EIF4E: variants seen among roughly 807,000 people sequenced by gnomAD.
EIF4E encodes the protein eukaryotic translation initiation factor 4E.
For missense variants in EIF4E, 113 were observed against 265.6 expected, an observed-to-expected ratio of 0.43 and a Z score of 3.99; for synonymous variants, 71 against 88.5, an observed-to-expected ratio of 0.80 and a Z score of 1.11.
In EIF4E at chr4:98,891,542, A is replaced by T. The variant is rs1724142682; in HGVS notation, c.126-210T>A. The T allele has an allele frequency of 1.0e-5, 6 of 580,228 alleles. 1 individual carries two copies. In the South Asian group the frequency reaches 1.3e-4, roughly 12 times the overall value. The allele number at this position is 580,228 out of a possible 1,614,324, so 35.9% of individuals were successfully genotyped here. Reference sequence around the variant, plus strand: ...ACATGAGGGGAAGCTAAGGACATTAAGTGAATAAGCCAGCCCCCCTCCAAA... The same window carrying T: ...ACATGAGGGGAAGCTAAGGACATTATGTGAATAAGCCAGCCCCCCTCCAAA... On this transcript the variant is annotated intron_variant, in intron 2 of 6. Coordinates refer to ENST00000450253, the MANE Select transcript of EIF4E (RefSeq NM_001968.5).
At chr4:98,920,491 C>T (rs1011497763) in intron 1 of EIF4E, among the ~76,000 whole-genome samples, 3 of 151,954 alleles carry the variant, frequency 2.0e-5, no homozygotes, top group African/African-American at 7.3e-5. Context: ...GATAAGGTTT[C>T]ACCATTTTGG....
intron 5 of EIF4E, among the ~76,000 whole-genome samples, chr4:98,885,626 A>AT (rs762670502): frequency 3.9e-5 from 6 of 151,902 alleles, no homozygotes; most frequent in Non-Finnish European, 8.8e-5. Flanking sequence ...TAATTTTTGT[A>AT]TTTTTTGTAG....
At chr4:98,912,036 C>A in intron 1 of EIF4E, among the ~76,000 whole-genome samples, 1 of 151,472 alleles carries the variant, frequency 6.6e-6, no homozygotes, top group African/African-American at 2.4e-5. Context: ...GGGCGGATCA[C>A]GAGGTCAGGA....
intron 1 of EIF4E, among the ~76,000 whole-genome samples, chr4:98,910,578 G>T (rs960090312): frequency 1.3e-5 from 2 of 152,076 alleles, no homozygotes; most frequent in Admixed American, 6.5e-5. Context: ...TGAGTGAATA[G>T]AGCTGATTAA....
At chr4:98,915,244 C>T (rs1725327233) in intron 1 of EIF4E, among the ~76,000 whole-genome samples, 1 of 151,556 alleles carries the variant, frequency 6.6e-6, no homozygotes, top group African/African-American at 2.4e-5. Context: ...GAGCTACGCA[C>T]ACAAACCCGG....
chr4:98,909,597 C>CA, intron 1 of EIF4E: 1 of 683,748 alleles, frequency 1.5e-6, no homozygotes, highest in South Asian at 1.7e-5. Flanking sequence ...CAGCTTCTTC[C>CA]AAGTCCTTTT....
intron 2 of EIF4E, among the ~76,000 whole-genome samples, chr4:98,892,506 T>G (rs1274607318): frequency 6.6e-6 from 1 of 151,222 alleles, no homozygotes; most frequent in Non-Finnish European, 1.5e-5. Flanking sequence ...TGGTGAAACC[T>G]GGTTTCTACT....
chr4:98,883,681 GTGTGAGCCAC>G (rs1233268737), intron 6 of EIF4E, among the ~76,000 whole-genome samples: 1 of 151,906 alleles, frequency 6.6e-6, no homozygotes, highest in Admixed American at 6.6e-5. Flanking sequence ...GCGATTACAG[GTGTGAGCCAC>G]TGCGCCTGGT....
intron 3 of EIF4E, among the ~76,000 whole-genome samples, chr4:98,888,226 GTATA>G (rs1039384009): frequency 6.6e-6 from 1 of 151,966 alleles, no homozygotes; most frequent in South Asian, 2.1e-4. Context: ...GCATACATAT[GTATA>G]TATATAAGAA....
In EIF4E at chr4:98,919,176, G is replaced by A. The variant is rs534824262; in HGVS notation, c.18+9919C>T. ...ACAAAAATTAGTTGGCAGTGGTGGC[G>A]CACACCTGTAGTCCCAGCTACTCAG... On this transcript the variant is annotated intron_variant, in intron 1 of 6. Transcript: ENST00000450253. 9.6e-4 allele frequency among the ~76,000 whole-genome samples: 146 copies of A among 151,892 alleles called. 1 individual carries two copies. The highest frequency in any genetic ancestry group is 2.0e-3 in the Admixed American group (30 of 15,242).
intron 1 of EIF4E, among the ~76,000 whole-genome samples, chr4:98,910,998 T>A (rs756734755): frequency 6.6e-6 from 1 of 152,078 alleles, no homozygotes; most frequent in Non-Finnish European, 1.5e-5. Flanking sequence ...CCTCCTAAAG[T>A]GCTGGAATTA....
At position 98,927,612 on chromosome 4, in the gene EIF4E, G is replaced by A. The variant is rs573720104; in HGVS notation, c.18+1483C>T. Among the ~76,000 whole-genome samples the A allele has an allele frequency of 4.3e-5, 5 of 116,944 alleles. No individual in the cohort carries two copies. In the Admixed American group the frequency reaches 6.3e-4, roughly 15 times the overall value. The allele number at this position is 116,944 out of a possible 152,430, so 76.7% of individuals were successfully genotyped here. ...GGAGGTTGCAGTGAGCCGAGATCAC[G>A]CCACTGCACTCCAGCCTGGGCGACA... On this transcript the variant is annotated intron_variant, in intron 1 of 6. Transcript: ENST00000450253.
Position 98,884,987 on chromosome 4 carries a change from A to C in EIF4E, c.474T>G (p.Ala158=). 6.2e-7 allele frequency: 1 copy of C among 1,613,810 alleles called. No homozygotes were observed. Among genetic ancestry groups the C allele is most frequent in the Non-Finnish European group, 8.5e-7 (1 of 1,179,874 alleles). The change falls in exon 6 of 7, where the codon GCT becomes GCG. Residue 158 remains alanine (A), a synonymous_variant. Coordinates refer to ENST00000450253, the MANE Select transcript of EIF4E (RefSeq NM_001968.5). ...TCCATATTGCTATCTTATCACCTTT[A>C]GCTCTAACATTAACAACAGCGCCAC... The part of the protein sequence containing the change: ...DVCGAVVNVR[A]KGDKIAIWTT...
intron 1 of EIF4E, among the ~76,000 whole-genome samples, chr4:98,906,902 G>T (rs1390198370): frequency 3.9e-5 from 6 of 152,032 alleles, no homozygotes; most frequent in Non-Finnish European, 7.4e-5. Flanking sequence ...CTTAAAATGG[G>T]CATTGTGACA....
At chr4:98,910,235 C>T (rs895183944) in intron 1 of EIF4E, among the ~76,000 whole-genome samples, 2 of 151,892 alleles carry the variant, frequency 1.3e-5, no homozygotes, top group African/African-American at 2.4e-5. Context: ...CTCCCTTAAC[C>T]GAGAAAGTTG....
rs1246015397 is a variant in EIF4E, at chr4:98,880,203, T to C, written c.*825A>G. 1.3e-5 allele frequency: 2 copies of C among 150,446 alleles called. No homozygotes were observed. The highest frequency in any genetic ancestry group is 6.7e-5 in the Admixed American group (1 of 14,930). The allele number at this position is 150,446 out of a possible 1,614,324, so 9.3% of individuals were successfully genotyped here. A position where few individuals can be genotyped will look rare whatever the true frequency, so the allele number is the denominator to read the frequency against. The stretch of plus-strand genomic sequence containing the variant: ...AAAGTGTTAAAATACAGCATAAAGA[T>C]ACAAAAACAGACATACTAATTCTAG... On this transcript the variant is annotated 3_prime_UTR_variant, in exon 7 of 7. Coordinates refer to ENST00000450253, the MANE Select transcript of EIF4E (RefSeq NM_001968.5).
In EIF4E at chr4:98,891,259, C is replaced by G. The variant is rs1724130070; in HGVS notation, c.199G>C (p.Asp67His). 1 of 1,613,982 alleles carries G rather than the reference C, an allele frequency of 6.2e-7. No homozygotes were observed. Among genetic ancestry groups the G allele is most frequent in the African/African-American group, 1.3e-5 (1 of 74,902 alleles). The stretch of plus-strand genomic sequence containing the variant: ...TACGCCCAAAAGTCTTCAACAGTAT[C>G]AAACTTGGAGATCAGCCGCAGGTTT... ...QANLRLISKF[D>H]TVEDFWALYN... Residue 67 changes from aspartate to histidine, a missense_variant, in exon 3 of 7, where the codon GAT becomes CAT. Physicochemically the swap from Asp to His is moderately conservative, Grantham distance 81. Transcript: ENST00000450253.
intron 2 of EIF4E, 143 bp downstream of exon 2, chr4:98,901,733 C>G (rs1292015251): frequency 2.7e-5 from 21 of 782,106 alleles, no homozygotes; most frequent in Non-Finnish European, 3.6e-5. Context: ...GTCTGCTGGT[C>G]ATGGGTCATC....
chr4:98,903,437 G>T, intron 1 of EIF4E: 1 of 455,192 alleles, frequency 2.2e-6, no homozygotes, highest in Non-Finnish European at 4.4e-6. Flanking sequence ...AATCTCCCTG[G>T]CTCAAGCAAT....
Sources: gnomAD v4.1 joint callset for allele counts (sites outside exome capture counted in the v4.1 genomes callset) on GRCh38, gnomAD v4.1.1 for gene constraint, MANE v1.5 for transcripts, NCBI Gene and HGNC (gene_info 2026-07-23, HGNC 2026-07-21) for gene names.